TMEM132C: variants seen among roughly 807,000 people sequenced by gnomAD.
TMEM132C encodes transmembrane protein 132C.
In TMEM132C, 29 loss-of-function variants were observed where a neutral mutation model predicts 61.4. The ratio of observed to expected loss-of-function variants is 0.47; its 90% CI spans 0.35 to 0.64. TMEM132C has a LOEUF of 0.64. TMEM132C is among the 30% of genes least tolerant of loss of function. The pLI is 0.00. For synonymous variants in TMEM132C, 656 were observed against 633.1 expected (o/e 1.04, Z -0.54); for missense variants, 1,408 against 1,476.9 (o/e 0.95, Z 0.76).
chr12:128,578,694 C>T (rs1395534812), intron 3 of TMEM132C, among the ~76,000 whole-genome samples: 2 of 152,086 alleles, frequency 1.3e-5, no homozygotes, highest in African/African-American at 2.4e-5. Context: ...GCCTCCTGGG[C>T]TCAAGCGATT....
intron 2 of TMEM132C, among the ~76,000 whole-genome samples, chr12:128,418,665 A>G (rs921775027): frequency 3.9e-5 from 6 of 152,254 alleles, no homozygotes; most frequent in Non-Finnish European, 8.8e-5. Context: ...CCATAGTACA[A>G]TATTGAGGCC....
intron 2 of TMEM132C, among the ~76,000 whole-genome samples, chr12:128,455,648 A>G (rs979310486): frequency 6.6e-6 from 1 of 152,256 alleles, no homozygotes. Flanking sequence ...ATATTATAAT[A>G]GAAACGTATG....
chr12:128,297,477 C>T (rs11059635), intron 1 of TMEM132C, among the ~76,000 whole-genome samples: 14,087 of 152,214 alleles, frequency 0.093, 787 homozygotes, highest in East Asian at 0.2. Context: ...TAATAAGCTT[C>T]GCCCTCCTTG....
intron 3 of TMEM132C, among the ~76,000 whole-genome samples, chr12:128,595,003 C>G (rs923333903): frequency 5.3e-5 from 8 of 152,238 alleles, no homozygotes; most frequent in African/African-American, 1.7e-4. Flanking sequence ...GACTGCATCC[C>G]TCACATCCGA....
At chr12:128,678,877 G>T (rs1187677663) in intron 5 of TMEM132C, among the ~76,000 whole-genome samples, 1 of 152,166 alleles carries the variant, frequency 6.6e-6, no homozygotes, top group Non-Finnish European at 1.5e-5. Context: ...TCTCCTGTGG[G>T]AGGACGCTCA....
chr12:128,532,337 T>C (rs1430441956), intron 2 of TMEM132C, among the ~76,000 whole-genome samples: 1 of 151,756 alleles, frequency 6.6e-6, no homozygotes, highest in Non-Finnish European at 1.5e-5. Context: ...CAATAACTTT[T>C]CTAAAGAAAA....
chr12:128,418,397 T>C (rs548410178), intron 2 of TMEM132C, among the ~76,000 whole-genome samples: 2 of 152,310 alleles, frequency 1.3e-5, no homozygotes, highest in Non-Finnish European at 2.9e-5. Flanking sequence ...GCCAAAATGA[T>C]TGGCAGGCAA....
At chr12:128,627,016 T>A (rs912841732) in intron 4 of TMEM132C, among the ~76,000 whole-genome samples, 1 of 152,156 alleles carries the variant, frequency 6.6e-6, no homozygotes, top group Non-Finnish European at 1.5e-5. Context: ...TTGTTGCAGA[T>A]GCTGCCAGCT....
intron 2 of TMEM132C, among the ~76,000 whole-genome samples, chr12:128,514,530 G>T (rs117192572): frequency 0.02 from 2,984 of 152,156 alleles, 46 homozygotes; most frequent in South Asian, 0.035. Flanking sequence ...GGCAGGCGGG[G>T]TGCGGGGGCG....
At chr12:128,446,372 C>T (rs1041521251) in intron 2 of TMEM132C, among the ~76,000 whole-genome samples, 1 of 152,188 alleles carries the variant, frequency 6.6e-6, no homozygotes, top group African/African-American at 2.4e-5. Flanking sequence ...ACTGCTAGGG[C>T]TCAGACAGAA....
intron 1 of TMEM132C, among the ~76,000 whole-genome samples, chr12:128,343,176 A>T (rs890174246): frequency 5.3e-5 from 8 of 152,190 alleles, no homozygotes; most frequent in African/African-American, 1.9e-4. Flanking sequence ...CTGTAATCCC[A>T]GCACTTTGGG....
intron 4 of TMEM132C, among the ~76,000 whole-genome samples, chr12:128,653,651 T>C (rs1954295350): frequency 1.4e-4 from 21 of 152,070 alleles, no homozygotes; most frequent in Admixed American, 1.3e-3. Context: ...TTTCCTAACC[T>C]GTGAAGTGGG....
chr12:128,406,363 G>T (rs1875345073), intron 1 of TMEM132C, among the ~76,000 whole-genome samples: 1 of 152,190 alleles, frequency 6.6e-6, no homozygotes, highest in Non-Finnish European at 1.5e-5. Context: ...AGACAGAAGG[G>T]TACCCTGCTG....
chr12:128,382,703 T>C lies in TMEM132C; in HGVS notation c.86-32029T>C, dbSNP rs138480487. ...GAGTCTTCCTTTCAACTCTCCGTGG[T>C]ATTCTTTTACATAAATAAATACATG... is the stretch of plus-strand genomic sequence containing the variant. On this transcript the variant is annotated intron_variant, in intron 1 of 8. Coordinates refer to ENST00000435159, the MANE Select transcript of TMEM132C (RefSeq NM_001136103.3). Among the ~76,000 whole-genome samples the C allele has an allele frequency of 6.0e-3, 911 of 152,330 alleles. 3 individuals carry two copies. The highest frequency in any genetic ancestry group is 9.9e-3 in the Non-Finnish European group (673 of 68,028).
chr12:128,275,639 C>G (rs918076578), intron 1 of TMEM132C, among the ~76,000 whole-genome samples: 3 of 152,064 alleles, frequency 2.0e-5, no homozygotes, highest in Non-Finnish European at 4.4e-5. Context: ...GTAAAATTGT[C>G]TTCCACAAAA....
intron 1 of TMEM132C, among the ~76,000 whole-genome samples, chr12:128,375,496 T>G (rs950587122): frequency 6.6e-6 from 1 of 152,126 alleles, no homozygotes; most frequent in Non-Finnish European, 1.5e-5. Context: ...CTCCTTCAGA[T>G]GAAGTTTCCC....
rs2135940271 is a variant in TMEM132C at position 128,326,343 on chromosome 12, T to C, written c.85+58856T>C. Among the ~76,000 whole-genome samples, 1 of 152,320 alleles carries C rather than the reference T, an allele frequency of 6.6e-6. No individual in the cohort carries two copies. The highest frequency in any genetic ancestry group is 2.1e-4 in the South Asian group (1 of 4,828). ...GGATATGAGAGTGTTGTTTTCCAAG[T>C]GTAGCAGGGTTTCACTTTTCGAGCT... On this transcript the variant is annotated intron_variant, in intron 1 of 8. Transcript: ENST00000435159. This position sits in a 1 kb window ranked among gnomAD's most constrained non-coding sequence, Gnocchi z 5.6.
intron 3 of TMEM132C, among the ~76,000 whole-genome samples, chr12:128,611,222 G>A (rs1056220554): frequency 2.0e-5 from 3 of 152,122 alleles, no homozygotes; most frequent in Non-Finnish European, 4.4e-5. Context: ...AGCCCACAAC[G>A]TGATTCCTGA....
In TMEM132C at chr12:128,415,251, C is replaced by A. The variant is rs774317941; in HGVS notation, c.605C>A (p.Ser202Tyr). The A allele has an allele frequency of 6.2e-7, 1 of 1,606,894 alleles. No individual in the cohort carries two copies. Among genetic ancestry groups the A allele is most frequent in the Non-Finnish European group, 8.5e-7 (1 of 1,176,774 alleles). ...GLCVAELELL[S>Y]SWFSAPTVGA... Reference sequence around the variant, plus strand: ...TGTGTGGCTGAGCTGGAGCTCCTGTCCAGCTGGTTCAGTGCCCCGACGGTG... The same window carrying A: ...TGTGTGGCTGAGCTGGAGCTCCTGTACAGCTGGTTCAGTGCCCCGACGGTG... Residue 202 changes from serine (S) to tyrosine (Y), a missense_variant, in exon 2 of 9, where the codon TCC becomes TAC. By Grantham distance (144) the Ser-to-Tyr change is moderately radical. Coordinates refer to ENST00000435159, the MANE Select transcript of TMEM132C (RefSeq NM_001136103.3). This position sits in a 1 kb window ranked among gnomAD's most constrained non-coding sequence, Gnocchi z 5.8.
Sources: gnomAD v4.1 joint callset for allele counts (sites outside exome capture counted in the v4.1 genomes callset) on GRCh38, gnomAD v4.1.1 for gene constraint, Gnocchi (gnomAD v3.1) non-coding constraint, MANE v1.5 for transcripts, NCBI Gene and HGNC (gene_info 2026-07-23, HGNC 2026-07-21) for gene names.